TFE3: variants seen among roughly 807,000 people sequenced by gnomAD.
TFE3 encodes transcription factor binding to IGHM enhancer 3.
Under a neutral mutation model 35.0 loss-of-function variants are expected in TFE3, and 5 were observed. The observed-to-expected ratio is 0.14, with a 90% CI of 0.07 to 0.30. TFE3 has a LOEUF of 0.30. Among genes scored for constraint, TFE3 ranks in the 10% least tolerant of loss-of-function variants. TFE3 has a pLI of 1.00. For missense variants in TFE3, 374 were observed against 496.6 expected, an observed-to-expected ratio of 0.75 and a Z score of 2.35; for synonymous variants, 211 against 215.6, an observed-to-expected ratio of 0.98 and a Z score of 0.18.
At chrX:49,042,965 C>G (rs1392186980) in intron 1 of TFE3, 146 bp downstream of exon 1, 5 of 433,668 alleles carry the variant, frequency 1.2e-5, no homozygotes, top group Non-Finnish European at 1.9e-5. Flanking sequence ...CTGCCGGATT[C>G]CTTAGGTGCC....
Position 49,034,225 on chromosome X carries a change from A to T in TFE3, c.912T>A (p.Asp304Glu). Residue 304 changes from aspartate to glutamate, a missense_variant, in exon 6 of 10, where the codon GAT (aspartate) becomes GAA (glutamate). By Grantham distance (45) the Asp-to-Glu change is conservative. Around this residue, in one of 3 missense-constraint regions of TFE3, gnomAD observed 167 missense variants for 297.2 expected, o/e 0.56. Coordinates refer to ENST00000315869, the MANE Select transcript of TFE3 (RefSeq NM_006521.6). ...STLPVSGNLL[D>E]VYSSQGVATP... ...TGGCCACGCCTTGACTACTGTACAC[A>T]TCAAGCAGATTCCCTGACACAGGCA... 1 of 1,201,753 alleles carries T rather than the reference A, an allele frequency of 8.3e-7. No homozygotes were observed. Among genetic ancestry groups the T allele is most frequent in the Non-Finnish European group, 1.1e-6 (1 of 889,627 alleles).
At chrX:49,041,776 A>G (rs2064761785) in intron 1 of TFE3, among the ~76,000 whole-genome samples, 1 of 112,366 alleles carries the variant, frequency 8.9e-6, no homozygotes, top group Non-Finnish European at 1.9e-5. Flanking sequence ...AGCCCCAGAG[A>G]GCAAGGGACA....
rs149950072 is a variant in TFE3 at position 49,039,172 on chromosome X, C to T, written c.469G>A (p.Val157Ile). The change falls in exon 3 of 10, where the codon GTC (valine) becomes ATC (isoleucine). Residue 157 changes from valine to isoleucine, a missense_variant. Around this residue, in one of 3 missense-constraint regions of TFE3, gnomAD observed 167 missense variants for 297.2 expected, o/e 0.56. Transcript: ENST00000315869. ...CTCAATGTGTGGCCCCCAGCAGAGA[C>T]GCCAACCACAGAGATGGCAGGAGAG... ...PASPAISVVG[V>I]SAGGHTLSRP... 91 of 1,202,340 alleles carry T rather than the reference C, an allele frequency of 7.6e-5. 1 individual carries two copies. In the Admixed American group the frequency reaches 8.9e-4, roughly 12 times the overall value.
chrX:49,032,784 C>G, intron 8 of TFE3, among the ~76,000 whole-genome samples: 1 of 110,923 alleles, frequency 9.0e-6, no homozygotes, highest in Admixed American at 9.6e-5. Context: ...AAGTGATTCT[C>G]CTGCCTCAGC....
At chrX:49,030,901 A>G (rs782434076) in intron 9 of TFE3, among the ~76,000 whole-genome samples, 2 of 111,059 alleles carry the variant, frequency 1.8e-5, no homozygotes, top group South Asian at 7.5e-4. Flanking sequence ...CTTGACCAAC[A>G]TGGAGAAACC....
intron 9 of TFE3, among the ~76,000 whole-genome samples, chrX:49,030,861 G>T (rs1160233345): frequency 1.8e-5 from 2 of 111,137 alleles, no homozygotes; most frequent in Non-Finnish European, 3.8e-5. Flanking sequence ...GAGGCAGGTG[G>T]ATCACCTGAG....
Position 49,040,528 on chromosome X carries a change from T to G in TFE3, c.157A>C (p.Ile53Leu). Reference sequence around the variant, plus strand: ...GGATCAAGGACGTTTTCTAATTCTATGTCAGCAACAATCCCGGATTCCGGA... The same window carrying G: ...GGATCAAGGACGTTTTCTAATTCTAGGTCAGCAACAATCCCGGATTCCGGA... ...LLPESGIVAD[I>L]ELENVLDPDS... Residue 53 changes from isoleucine to leucine, a missense_variant, in exon 2 of 10, where the codon ATA becomes CTA. This residue lies in a region of TFE3 where 90 missense variants were observed against 87.5 expected (regional missense o/e 1.03). Transcript: ENST00000315869. 1 of 1,211,084 alleles carries G rather than the reference T, an allele frequency of 8.3e-7. No homozygotes were observed. Among genetic ancestry groups the G allele is most frequent in the Non-Finnish European group, 1.1e-6 (1 of 895,121 alleles).
chrX:49,039,053 A>G (rs1557075243), intron 3 of TFE3, 54 bp downstream of exon 3: 3 of 1,089,789 alleles, frequency 2.8e-6, no homozygotes, highest in East Asian at 3.2e-5. Context: ...AGCTCCTAGG[A>G]TCACTCCTCA....
Position 49,030,525 on chromosome X carries a change from G to A in TFE3, c.1361C>T (p.Ser454Leu), listed in dbSNP as rs782509704. The change falls in exon 10 of 10, where the codon TCG becomes TTG. Residue 454 changes from serine to leucine, a missense_variant. Ser to Leu is a moderately radical substitution (Grantham distance 145). This residue lies in a region of TFE3 where 117 missense variants were observed against 111.9 expected (regional missense o/e 1.05). Transcript: ENST00000315869. Reference protein sequence around the residue: ...TPGLLSLATTSASDSLKPEQL... With the variant: ...TPGLLSLATTLASDSLKPEQL... ...CTCTGGCTTGAGGCTGTCAGAAGCC[G>A]AAGTCGTGGCCAAGGAAAGCAGCCC... is the stretch of plus-strand genomic sequence containing the variant. 2.9e-5 allele frequency: 35 copies of A among 1,211,742 alleles called. No individual in the cohort carries two copies. The highest frequency in any genetic ancestry group is 5.3e-5 in the South Asian group (3 of 56,988).
chrX:49,029,842 A>C lies in TFE3; in HGVS notation c.*316T>G, dbSNP rs782174132. 2.0e-6 allele frequency: 1 copy of C among 489,386 alleles called. No homozygotes were observed. The highest frequency in any genetic ancestry group is 2.3e-5 in the South Asian group (1 of 43,045). 40.3% of individuals were successfully genotyped at this position (489,386 alleles called of 1,213,427 possible). ...AGACCTCATCCTGTCTCCTTCCCTCACCTGGGCAAGGATGAGTCCCACAGG... is the reference window on the plus strand; with the variant it reads ...AGACCTCATCCTGTCTCCTTCCCTCCCCTGGGCAAGGATGAGTCCCACAGG... On this transcript the variant is annotated 3_prime_UTR_variant, in exon 10 of 10. Coordinates refer to ENST00000315869, the MANE Select transcript of TFE3 (RefSeq NM_006521.6).
intron 2 of TFE3, 75 bp downstream of exon 2, chrX:49,040,380 G>A: frequency 6.3e-6 from 5 of 797,631 alleles, no homozygotes; most frequent in East Asian, 3.2e-5. Flanking sequence ...CTGGTACTGA[G>A]GGCCTCTGCC....
At chrX:49,033,443 G>C (rs41305381) in intron 8 of TFE3, 22 bp downstream of exon 8, 1,871 of 1,204,276 alleles carry the variant, frequency 1.6e-3, no homozygotes, top group Non-Finnish European at 1.9e-3. Context: ...CCGCTGGCCT[G>C]AGGGTCCCAG....
In TFE3 at chrX:49,030,621, G is replaced by A; in HGVS notation, c.1285-20C>T. The A allele has an allele frequency of 8.5e-7, 1 of 1,175,008 alleles. No individual in the cohort carries two copies. The highest frequency in any genetic ancestry group is 3.0e-5 in the East Asian group (1 of 33,662). On this transcript the variant is annotated intron_variant, in intron 9 of 9. Transcript: ENST00000315869. Reference sequence around the variant, plus strand: ...TAGTTCCTGTAAAAAATAGGGGTTGGGTGCAGGATAAGTAGGGTTCAGAGT... The same window carrying A: ...TAGTTCCTGTAAAAAATAGGGGTTGAGTGCAGGATAAGTAGGGTTCAGAGT...
At chrX:49,034,790 T>C (rs1230359153) in intron 5 of TFE3, among the ~76,000 whole-genome samples, 3 of 112,136 alleles carry the variant, frequency 2.7e-5, no homozygotes, top group East Asian at 5.6e-4. Context: ...TTCACTCTGA[T>C]CAAGTTGTAC....
Position 49,034,171 on chromosome X carries a change from G to A in TFE3, c.966C>T (p.Cys322=), listed in dbSNP as rs1557074285. ...GTTTGATGTTGGGCAGCTCAGCTGG[G>A]CAGGAGTTGCTGACAGTGATGGCTG... ...ATPAITVSNS[C]PAELPNIKRE... is the part of the protein sequence containing the mutation. The change falls in exon 6 of 10, where the codon TGC becomes TGT. Residue 322 remains cysteine (C), a synonymous_variant. Transcript: ENST00000315869. The A allele has an allele frequency of 8.3e-7, 1 of 1,210,915 alleles. No homozygotes were observed.
rs782003825 is a variant in TFE3 at position 49,028,791 on chromosome X, C to T, written c.*1367G>A. ...ATTATTTTAATCACAAACCTATAGACCCCTCAGTATACCCTCCATGGGGCC... is the reference window on the plus strand; with the variant it reads ...ATTATTTTAATCACAAACCTATAGATCCCTCAGTATACCCTCCATGGGGCC... On this transcript the variant is annotated 3_prime_UTR_variant, in exon 10 of 10. Coordinates refer to ENST00000315869, the MANE Select transcript of TFE3 (RefSeq NM_006521.6). The T allele has an allele frequency of 6.5e-5, 11 of 168,256 alleles. No homozygotes were observed. Among genetic ancestry groups the T allele is most frequent in the Non-Finnish European group, 9.1e-5 (8 of 87,681 alleles). The allele number at this position is 168,256 out of a possible 1,213,427, so 13.9% of individuals were successfully genotyped here.
chrX:49,037,939 A>T, intron 5 of TFE3, 71 bp downstream of exon 5: 1 of 972,928 alleles, frequency 1.0e-6, no homozygotes, highest in Non-Finnish European at 1.4e-6. Flanking sequence ...ACACACAGCC[A>T]GACTGAGTAT....
At chrX:49,037,219 G>A (rs782494012) in intron 5 of TFE3, among the ~76,000 whole-genome samples, 12 of 111,386 alleles carry the variant, frequency 1.1e-4, no homozygotes, top group African/African-American at 3.6e-4. Context: ...CACGAAAATC[G>A]CTTGAACCCA....
intron 8 of TFE3, 196 bp from the exon 9 acceptor site, chrX:49,031,740 CCCTGGAAG>C (rs2064700886): frequency 2.6e-6 from 1 of 391,875 alleles, no homozygotes; most frequent in African/African-American, 2.6e-5. Flanking sequence ...ACACTCCAAA[CCCTGGAAG>C]CCGTCTCTGA....
Sources: allele counts gnomAD v4.1 joint callset (sites outside exome capture counted in the v4.1 genomes callset), GRCh38; gene constraint gnomAD v4.1.1; regional missense constraint gnomAD v4.1.1; transcripts MANE v1.5; gene names NCBI Gene and HGNC (gene_info 2026-07-23, HGNC 2026-07-21).